ALPK3: variants seen among roughly 807,000 people sequenced by gnomAD.
ALPK3 encodes the protein alpha kinase 3.
A neutral mutation model predicts 140.0 loss-of-function variants in ALPK3; 102 were observed. The observed-to-expected ratio is 0.73, with a 90% confidence interval of 0.62 to 0.86. The LOEUF (loss-of-function observed/expected upper bound fraction) is 0.86, where lower values mean the gene tolerates loss of function less well. Ranked by LOEUF, ALPK3 falls within the 40% of genes least tolerant of loss-of-function variation. ALPK3 has a pLI of 0.00. For synonymous variants in ALPK3, 938 were observed against 898.5 expected (o/e 1.04, Z -0.79); for missense variants, 2,254 against 2,208.2 (o/e 1.02, Z -0.42).
chr15:84,842,314 G>A (rs1000019396), intron 5 of ALPK3, among the ~76,000 whole-genome samples: 8 of 152,368 alleles, frequency 5.3e-5, no homozygotes, highest in Admixed American at 3.9e-4. Context: ...GATTACAGGC[G>A]TGAGCCGCCG....
At chr15:84,828,386 C>T (rs1395015383) in intron 3 of ALPK3, among the ~76,000 whole-genome samples, 1 of 152,114 alleles carries the variant, frequency 6.6e-6, no homozygotes, top group Non-Finnish European at 1.5e-5. Context: ...CATTGCCTCT[C>T]CCCCAGATCA....
rs1964043202 is a variant in ALPK3 at position 84,869,451 on chromosome 15, A to G, written c.*995A>G. Reference sequence around the variant, plus strand: ...ACAGTGAATTTCACATCCCCTCTCAACCAGGAGTGGAGGGCTAGGTCCCTT... The same window carrying G: ...ACAGTGAATTTCACATCCCCTCTCAGCCAGGAGTGGAGGGCTAGGTCCCTT... On this transcript the variant is annotated 3_prime_UTR_variant, in exon 14 of 14. Coordinates refer to ENST00000258888, the MANE Select transcript of ALPK3 (RefSeq NM_020778.5). 1 of 152,304 alleles carries G rather than the reference A, an allele frequency of 6.6e-6. No individual in the cohort carries two copies. Among genetic ancestry groups the G allele is most frequent in the Non-Finnish European group, 1.5e-5 (1 of 68,094 alleles). The allele number at this position is 152,304 out of a possible 1,614,324, so 9.4% of individuals were successfully genotyped here.
At chr15:84,860,004 G>T in intron 8 of ALPK3, 33 bp from the exon 9 acceptor site, 1 of 1,614,106 alleles carries the variant, frequency 6.2e-7, no homozygotes, top group Non-Finnish European at 8.5e-7. Context: ...ACAGCAGCCT[G>T]AAGGCACTGC....
intron 5 of ALPK3, among the ~76,000 whole-genome samples, chr15:84,843,584 G>A (rs1164996951): frequency 6.6e-6 from 1 of 152,258 alleles, no homozygotes; most frequent in East Asian, 1.9e-4. Context: ...AGTTACTGAC[G>A]AGCTCCAAGT....
chr15:84,863,016 A>G (rs1304691160), intron 10 of ALPK3, 101 bp downstream of exon 10: 4 of 1,473,664 alleles, frequency 2.7e-6, no homozygotes, highest in Non-Finnish European at 2.8e-6. Context: ...GGCAGAAGGC[A>G]TCTCAGTCTC....
chr15:84,852,338 C>T (rs565469143), intron 5 of ALPK3, among the ~76,000 whole-genome samples: 4 of 152,292 alleles, frequency 2.6e-5, no homozygotes, highest in South Asian at 2.1e-4. Context: ...CTATGCTGCA[C>T]GAAGGGCTGT....
intron 11 of ALPK3, 29 bp downstream of exon 11, chr15:84,863,669 T>C (rs371850913): frequency 1.3e-4 from 207 of 1,598,982 alleles, no homozygotes; most frequent in Non-Finnish European, 1.5e-4. Context: ...GGACGTGCAG[T>C]GTGCAGCACT....
At chr15:84,834,418 AT>A (rs1241508351) in intron 3 of ALPK3, among the ~76,000 whole-genome samples, 3 of 152,194 alleles carry the variant, frequency 2.0e-5, no homozygotes, top group African/African-American at 7.2e-5. Flanking sequence ...TAAATTGGAG[AT>A]TAGTAGCAGA....
At chr15:84,853,334 C>G (rs114564780) in intron 5 of ALPK3, among the ~76,000 whole-genome samples, 1 of 152,262 alleles carries the variant, frequency 6.6e-6, no homozygotes, top group East Asian at 1.9e-4. Context: ...TCAGTTAGGC[C>G]GGGTGCAGTG....
intron 13 of ALPK3, 22 bp from the exon 14 acceptor site, chr15:84,868,089 A>G: frequency 1.3e-6 from 2 of 1,595,636 alleles, no homozygotes; most frequent in Non-Finnish European, 1.7e-6. Flanking sequence ...ACCCCCACTC[A>G]GCTCTTCCTG....
intron 2 of ALPK3, among the ~76,000 whole-genome samples, chr15:84,824,269 G>A (rs955687856): frequency 1.3e-5 from 2 of 152,156 alleles, no homozygotes; most frequent in Non-Finnish European, 2.9e-5. Flanking sequence ...GCAGAGTCAG[G>A]GCAAGGTCTG....
rs1308031371 is a variant in ALPK3 at position 84,856,950 on chromosome 15, A to G, written c.2212A>G (p.Thr738Ala). The G allele has an allele frequency of 6.2e-7, 1 of 1,613,792 alleles. No individual in the cohort carries two copies. Among genetic ancestry groups the G allele is most frequent in the Non-Finnish European group, 8.5e-7 (1 of 1,179,974 alleles). Residue 738 changes from threonine (T) to alanine (A), a missense_variant, in exon 6 of 14, where the codon ACC becomes GCC. Physicochemically the swap from Thr to Ala is moderately conservative, Grantham distance 58 (BLOSUM62 0). Around this residue, in one of 3 missense-constraint regions of ALPK3, gnomAD observed 2,088 missense variants for 2,022.9 expected, o/e 1.03. Transcript: ENST00000258888. ...VATSLGPPSR[T>A]PKLPPTAGPR... Reference sequence around the variant, plus strand: ...AACCAGCCTCGGCCCACCATCCAGAACCCCCAAACTCCCACCTACAGCGGG... The same window carrying G: ...AACCAGCCTCGGCCCACCATCCAGAGCCCCCAAACTCCCACCTACAGCGGG...
chr15:84,871,672 C>T lies in ALPK3; in HGVS notation c.*3216C>T, dbSNP rs1376723542. 1 of 152,246 alleles carries T rather than the reference C, an allele frequency of 6.6e-6. No homozygotes were observed. Among genetic ancestry groups the T allele is most frequent in the African/African-American group, 2.4e-5 (1 of 41,444 alleles). The allele number at this position is 152,246 out of a possible 1,614,324, so 9.4% of individuals were successfully genotyped here. ...CAAGCGCATGCTGCCTCCTGCAGGC[C>T]TGACCCAGCCTCTCGGGGTGTTGTT... On this transcript the variant is annotated 3_prime_UTR_variant, in exon 14 of 14. Coordinates refer to ENST00000258888, the MANE Select transcript of ALPK3 (RefSeq NM_020778.5).
rs746323615 is a variant in ALPK3, at chr15:84,856,989, C to G, written c.2251C>G (p.Leu751Val). The change falls in exon 6 of 14, where the codon CTG becomes GTG. Residue 751 changes from leucine to valine, a missense_variant. By Grantham distance (32) the Leu-to-Val change is conservative (BLOSUM62 1). Transcript: ENST00000258888. ...ACCTACAGCGGGTCCTAGAGCTCCT[C>G]TGAATATTGAATGTTTTGTACAGAC... Reference protein sequence around the residue: ...LPPTAGPRAPLNIECFVQTPE... With the variant: ...LPPTAGPRAPVNIECFVQTPE... 6.2e-7 allele frequency: 1 copy of G among 1,614,118 alleles called. No homozygotes were observed. The highest frequency in any genetic ancestry group is 8.5e-7 in the Non-Finnish European group (1 of 1,180,040).
At chr15:84,861,061 A>T (rs1428303983) in intron 9 of ALPK3, among the ~76,000 whole-genome samples, 1 of 152,248 alleles carries the variant, frequency 6.6e-6, no homozygotes, top group East Asian at 1.9e-4. Flanking sequence ...CTCAAAACTA[A>T]GTAATAATTA....
At chr15:84,863,769 A>G (rs1963974675) in intron 11 of ALPK3, 129 bp downstream of exon 11, 1 of 842,264 alleles carries the variant, frequency 1.2e-6, no homozygotes, top group African/African-American at 1.7e-5. Context: ...TCACAGCCCC[A>G]TGCTCAGCTC....
Position 84,857,312 on chromosome 15 carries a change from T to C in ALPK3, c.2574T>C (p.Ala858=). ...TGGATCAGGGTGGCTGTCCTCTAGCTGGCCTGAGCCAGGAGGTACCCACGA... is the reference window on the plus strand; with the variant it reads ...TGGATCAGGGTGGCTGTCCTCTAGCCGGCCTGAGCCAGGAGGTACCCACGA... The part of the protein sequence containing the change: ...PCMDQGGCPL[A]GLSQEVPTMP... The change falls in exon 6 of 14, where the codon GCT becomes GCC. Residue 858 remains alanine, a synonymous_variant. Coordinates refer to ENST00000258888, the MANE Select transcript of ALPK3 (RefSeq NM_020778.5). The C allele has an allele frequency of 6.2e-7, 1 of 1,614,140 alleles. No individual in the cohort carries two copies. The highest frequency in any genetic ancestry group is 8.5e-7 in the Non-Finnish European group (1 of 1,179,998).
intron 11 of ALPK3, among the ~76,000 whole-genome samples, 176 bp from the exon 12 acceptor site, chr15:84,864,265 AT>A (rs541202676): frequency 2.0e-5 from 3 of 152,178 alleles, no homozygotes; most frequent in African/African-American, 7.2e-5. Flanking sequence ...AAAAATATCC[AT>A]TTCCTTTCCC....
intron 1 of ALPK3, among the ~76,000 whole-genome samples, chr15:84,822,641 C>T (rs569527963): frequency 2.6e-5 from 4 of 152,122 alleles, no homozygotes; most frequent in African/African-American, 4.8e-5. Flanking sequence ...CACTAAGGGG[C>T]GGTCCTGTGT....
Sources: allele counts gnomAD v4.1 joint callset (sites outside exome capture counted in the v4.1 genomes callset), GRCh38; gene constraint gnomAD v4.1.1; regional missense constraint gnomAD v4.1.1; transcripts MANE v1.5; gene names NCBI Gene and HGNC (gene_info 2026-07-23, HGNC 2026-07-21).